The following CLPB variants were observed in gnomAD, a reference collection of about 807,000 sequenced individuals.
CLPB encodes ClpB family mitochondrial disaggregase.
In CLPB, 40 loss-of-function variants were observed where a neutral mutation model predicts 78.4. That is an observed-to-expected ratio of 0.51 (90% CI 0.40 to 0.66). The LOEUF (loss-of-function observed/expected upper bound fraction) is 0.66, where lower values mean the gene tolerates loss of function less well. Ranked by LOEUF, CLPB falls within the 30% of genes least tolerant of loss-of-function variation. The pLI, the probability that CLPB is intolerant of heterozygous loss-of-function variation, is 0.00. For synonymous variants in CLPB, 333 were observed against 348.0 expected (o/e 0.96, Z 0.48); for missense variants, 780 against 886.9 (o/e 0.88, Z 1.53).
intron 5 of CLPB, among the ~76,000 whole-genome samples, chr11:72,333,929 GGAGCTCTGTCACTAGATAT>G (rs146478596): frequency 0.057 from 8,623 of 152,228 alleles, 335 homozygotes; most frequent in Non-Finnish European, 0.087. Flanking sequence ...AGCCTCAAGG[GGAGCTCTGTCACTAGATAT>G]GAGCTGCAGT....
intron 2 of CLPB, among the ~76,000 whole-genome samples, chr11:72,422,611 G>C (rs914557724): frequency 1.3e-5 from 2 of 152,142 alleles, no homozygotes; most frequent in Non-Finnish European, 1.5e-5. Context: ...CTTTGGTCTA[G>C]GATAAAGCTT....
intron 2 of CLPB, among the ~76,000 whole-genome samples, chr11:72,416,597 A>ATG (rs1856031629): frequency 6.6e-6 from 1 of 152,002 alleles, no homozygotes; most frequent in South Asian, 2.1e-4. Context: ...TTAGCCAGGC[A>ATG]TGGTGGCACG....
chr11:72,293,648 C>T lies in CLPB; in HGVS notation c.1786-33G>A, dbSNP rs749056905. The T allele has an allele frequency of 3.1e-5, 49 of 1,588,134 alleles. No homozygotes were observed. The East Asian group carries it at 7.2e-4, about 23-fold the overall frequency. ...TGGGGAGGTGAAGTGGTCACTCCCT[C>T]GGCCTGGACCCAGCTTGGAGGTCGG... On this transcript the variant is annotated intron_variant, in intron 15 of 15. Transcript: ENST00000538039.
At chr11:72,368,429 C>T (rs1045344713) in intron 4 of CLPB, among the ~76,000 whole-genome samples, 1 of 152,202 alleles carries the variant, frequency 6.6e-6, no homozygotes, top group Non-Finnish European at 1.5e-5. Flanking sequence ...CACTGGCAGT[C>T]ACTGACTGAG....
chr11:72,294,544 C>T lies in CLPB; in HGVS notation c.1560+76G>A, dbSNP rs556496847. 1.9e-6 allele frequency: 3 copies of T among 1,609,586 alleles called. No homozygotes were observed. The South Asian group carries it at 3.3e-5, about 18-fold the overall frequency. ...AAGACTGGGGAAATTATGGGGCTTC[C>T]AGATCTTTAGGATGGCTAAGATCAC... is the stretch of plus-strand genomic sequence containing the variant. On this transcript the variant is annotated intron_variant, in intron 13 of 15. Transcript: ENST00000538039.
chr11:72,392,345 T>C (rs931337066), intron 3 of CLPB, among the ~76,000 whole-genome samples: 2 of 152,050 alleles, frequency 1.3e-5, no homozygotes, highest in Non-Finnish European at 2.9e-5. Flanking sequence ...TGCTGGAAAG[T>C]CAAATGAGTT....
chr11:72,384,581 A>C (rs1855021264), intron 3 of CLPB, among the ~76,000 whole-genome samples: 1 of 152,248 alleles, frequency 6.6e-6, no homozygotes, highest in African/African-American at 2.4e-5. Context: ...AGTCCTCACC[A>C]ATCAATAATT....
chr11:72,321,427 G>A (rs1323562741), intron 6 of CLPB, among the ~76,000 whole-genome samples: 2 of 152,204 alleles, frequency 1.3e-5, no homozygotes, highest in Admixed American at 1.3e-4. Context: ...CATCTTGGCT[G>A]GGTAATTGCA....
At chr11:72,331,118 T>G (rs1162404231) in intron 5 of CLPB, among the ~76,000 whole-genome samples, 1 of 152,020 alleles carries the variant, frequency 6.6e-6, no homozygotes, top group Non-Finnish European at 1.5e-5. Context: ...AAAAAAATTT[T>G]TTTTGGCCAG....
At chr11:72,374,534 T>A (rs75617756) in intron 4 of CLPB, among the ~76,000 whole-genome samples, 3,083 of 152,286 alleles carry the variant, frequency 0.02, 52 homozygotes, top group Non-Finnish European at 0.031. Context: ...CCTGAACCAG[T>A]AAGACTGCCC....
intron 2 of CLPB, among the ~76,000 whole-genome samples, chr11:72,407,894 G>T (rs527275227): frequency 6.6e-6 from 1 of 151,892 alleles, no homozygotes; most frequent in Non-Finnish European, 1.5e-5. Flanking sequence ...TGATCCACCC[G>T]CCTCAGCCTC....
At chr11:72,353,961 T>C (rs989606674) in intron 5 of CLPB, among the ~76,000 whole-genome samples, 6 of 152,126 alleles carry the variant, frequency 3.9e-5, no homozygotes, top group African/African-American at 1.4e-4. Context: ...GCACTGAGTG[T>C]TTCTGAAGTT....
At chr11:72,341,083 G>T (rs1950412484) in intron 5 of CLPB, among the ~76,000 whole-genome samples, 1 of 152,192 alleles carries the variant, frequency 6.6e-6, no homozygotes, top group Non-Finnish European at 1.5e-5. Flanking sequence ...GCTTCCCAAA[G>T]TGCTGGGATT....
At chr11:72,330,489 C>A (rs1374524731) in intron 5 of CLPB, among the ~76,000 whole-genome samples, 3 of 152,214 alleles carry the variant, frequency 2.0e-5, no homozygotes, top group Admixed American at 2.0e-4. Flanking sequence ...TACCTTCTCT[C>A]TAAGTACTGG....
chr11:72,359,125 A>G, intron 4 of CLPB, 117 bp from the exon 5 acceptor site: 2 of 1,503,234 alleles, frequency 1.3e-6, no homozygotes, highest in Non-Finnish European at 1.8e-6. Flanking sequence ...ACTAAGCATA[A>G]AATGGCACCT....
intron 5 of CLPB, among the ~76,000 whole-genome samples, chr11:72,347,146 C>T (rs568419216): frequency 1.7e-4 from 26 of 152,142 alleles, no homozygotes; most frequent in African/African-American, 6.3e-4. Flanking sequence ...AATATTCATT[C>T]GGCAAGCATC....
At chr11:72,313,421 AAGT>A (rs1362567618) in intron 7 of CLPB, among the ~76,000 whole-genome samples, 1 of 152,226 alleles carries the variant, frequency 6.6e-6, no homozygotes, top group Non-Finnish European at 1.5e-5. Context: ...TTAAAAATGC[AAGT>A]AGTAGCTTCT....
intron 5 of CLPB, among the ~76,000 whole-genome samples, chr11:72,343,468 C>T (rs2135575031): frequency 6.6e-6 from 1 of 152,258 alleles, no homozygotes. Context: ...TTACTCATCT[C>T]CCTCATAAAA....
At chr11:72,410,283 G>A (rs775486031) in intron 2 of CLPB, among the ~76,000 whole-genome samples, 1 of 152,060 alleles carries the variant, frequency 6.6e-6, no homozygotes, top group Non-Finnish European at 1.5e-5. Flanking sequence ...AGTGAGGAGT[G>A]GTGGATGAAT....
Sources: gnomAD v4.1 joint callset for allele counts (sites outside exome capture counted in the v4.1 genomes callset) on GRCh38, gnomAD v4.1.1 for gene constraint, MANE v1.5 for transcripts, NCBI Gene and HGNC (gene_info 2026-07-23, HGNC 2026-07-21) for gene names.